Variants in ARL6 observed in about 807,000 individuals in gnomAD.
The protein encoded by ARL6 is ADP-ribosylation factor-like protein 6.
A neutral mutation model predicts 27.1 loss-of-function variants in ARL6; 18 were observed. That is an observed-to-expected ratio of 0.66 (90% CI 0.46 to 0.98). ARL6 has a LOEUF of 0.98. Ranked by LOEUF, ARL6 falls within the 50% of genes least tolerant of loss-of-function variation. The pLI is 0.00. For missense variants in ARL6, 187 were observed against 214.9 expected (o/e 0.87, Z 0.81); for synonymous variants, 65 against 72.3 (o/e 0.90, Z 0.51).
At chr3:97,765,212 GTGTGT>G (rs2036318627) in intron 1 of ARL6, among the ~76,000 whole-genome samples, 1 of 8,580 alleles carries the variant, frequency 1.2e-4, no homozygotes, top group African/African-American at 2.1e-4. Flanking sequence ...TGTATTGGGG[GTGTGT>G]GTGTGTGTGT....
chr3:97,796,054 A>AG (rs2037984575), intron 7 of ARL6, among the ~76,000 whole-genome samples: 1 of 152,186 alleles, frequency 6.6e-6, no homozygotes, highest in African/African-American at 2.4e-5. Context: ...ACGTACTAAA[A>AG]GGAAGACCAT....
chr3:97,792,489 AAAG>A (rs1328732893), intron 7 of ARL6, among the ~76,000 whole-genome samples: 8 of 152,162 alleles, frequency 5.3e-5, no homozygotes, highest in Non-Finnish European at 7.4e-5. Context: ...CTCAAGAAAA[AAAG>A]AAGAAGAATC....
At chr3:97,776,088 T>C (rs1315126890) in intron 2 of ARL6, among the ~76,000 whole-genome samples, 1 of 152,212 alleles carries the variant, frequency 6.6e-6, no homozygotes, top group East Asian at 1.9e-4. Context: ...TTAGCTCTAT[T>C]AATGTTTGGT....
intron 4 of ARL6, among the ~76,000 whole-genome samples, chr3:97,783,866 T>C (rs974269436): frequency 4.6e-5 from 7 of 151,798 alleles, no homozygotes; most frequent in Admixed American, 3.9e-4. Flanking sequence ...GCTGTTAGAA[T>C]GGCAATTATT....
At position 97,798,138 on chromosome 3, in the gene ARL6, A is replaced by C. The variant is rs571927243; in HGVS notation, c.*89A>C. ...TACATTTTGTAAAAGATGTTTATGC[A>C]TCAAAAAATATAATTTTCTGCTTGC... is the stretch of plus-strand genomic sequence containing the variant. On this transcript the variant is annotated 3_prime_UTR_variant, in exon 8 of 8. Transcript: ENST00000463745. The C allele has an allele frequency of 2.3e-6, 3 of 1,313,428 alleles. No homozygotes were observed. The highest frequency in any genetic ancestry group is 4.6e-5 in the East Asian group (2 of 43,310). 81.4% of individuals were successfully genotyped at this position (1,313,428 alleles called of 1,614,324 possible).
At chr3:97,785,712 G>A (rs2037426452) in intron 5 of ARL6, among the ~76,000 whole-genome samples, 1 of 152,040 alleles carries the variant, frequency 6.6e-6, no homozygotes, top group Admixed American at 6.6e-5. Context: ...ATGTACCACA[G>A]TTTATTTAAT....
At chr3:97,791,497 A>G (rs540922102) in intron 6 of ARL6, 11 of 419,296 alleles carry the variant, frequency 2.6e-5, no homozygotes, top group Non-Finnish European at 4.7e-5. Context: ...CACTGGAAAA[A>G]TAAAAGTATT....
intron 7 of ARL6, among the ~76,000 whole-genome samples, chr3:97,796,549 G>A (rs1346745883): frequency 6.6e-6 from 1 of 152,064 alleles, no homozygotes; most frequent in African/African-American, 2.4e-5. Context: ...GTAGAGGATA[G>A]CAAATCCTCG....
chr3:97,776,371 A>AC (rs1559676117), intron 2 of ARL6, among the ~76,000 whole-genome samples: 1 of 150,722 alleles, frequency 6.6e-6, no homozygotes, highest in African/African-American at 2.4e-5. Flanking sequence ...GTTGGGTCTT[A>AC]TTTTTTTTTA....
intron 7 of ARL6, among the ~76,000 whole-genome samples, chr3:97,796,454 A>C (rs1293574419): frequency 6.6e-6 from 1 of 152,122 alleles, no homozygotes; most frequent in Non-Finnish European, 1.5e-5. Context: ...CAAAGAATAG[A>C]AAATTTGAAA....
At chr3:97,774,792 T>C (rs1009681921) in intron 2 of ARL6, among the ~76,000 whole-genome samples, 5 of 152,312 alleles carry the variant, frequency 3.3e-5, no homozygotes, top group Admixed American at 1.3e-4. Context: ...AGACTCTCAC[T>C]CAGGGCAGTC....
intron 4 of ARL6, among the ~76,000 whole-genome samples, chr3:97,781,600 G>T (rs2037204354): frequency 6.6e-6 from 1 of 152,034 alleles, no homozygotes; most frequent in Non-Finnish European, 1.5e-5. Context: ...TGCAGATTTT[G>T]GTATTTGAAG....
chr3:97,775,621 A>G (rs528269541), intron 2 of ARL6, among the ~76,000 whole-genome samples: 1 of 152,300 alleles, frequency 6.6e-6, no homozygotes, highest in East Asian at 1.9e-4. Context: ...GCATCCTTCA[A>G]TCCAATCAAA....
chr3:97,786,710 T>C (rs1365135042), intron 5 of ARL6, among the ~76,000 whole-genome samples: 1 of 152,198 alleles, frequency 6.6e-6, no homozygotes, highest in Non-Finnish European at 1.5e-5. Context: ...GCAACTCATA[T>C]CATAGCTACA....
At chr3:97,791,962 T>C in intron 7 of ARL6, 136 bp downstream of exon 7, 2 of 737,942 alleles carry the variant, frequency 2.7e-6, no homozygotes, top group East Asian at 2.7e-5. Flanking sequence ...GAAAAAACAA[T>C]ACAGTAAGTA....
chr3:97,790,504 G>A (rs919851376), intron 6 of ARL6, among the ~76,000 whole-genome samples: 5 of 152,024 alleles, frequency 3.3e-5, no homozygotes, highest in Non-Finnish European at 7.4e-5. Context: ...GATAGAATTC[G>A]AACATTTGTT....
At chr3:97,782,069 T>C (rs1394150045) in intron 4 of ARL6, among the ~76,000 whole-genome samples, 1 of 151,928 alleles carries the variant, frequency 6.6e-6, no homozygotes, top group Non-Finnish European at 1.5e-5. Flanking sequence ...AAGAGAGTGC[T>C]TCAGATTCGA....
At chr3:97,768,295 A>G (rs1227847024) in intron 2 of ARL6, 65 bp downstream of exon 2, 19 of 1,545,918 alleles carry the variant, frequency 1.2e-5, no homozygotes, top group Non-Finnish European at 1.6e-5. Context: ...GTGCAGAATT[A>G]TGTTATATGA....
chr3:97,768,028 T>C, intron 1 of ARL6, 53 bp from the exon 2 acceptor site: 1 of 1,521,404 alleles, frequency 6.6e-7, no homozygotes, highest in East Asian at 2.3e-5. Context: ...CTACCAATAT[T>C]TTCCATAACT....
Sources: allele counts gnomAD v4.1 joint callset (sites outside exome capture counted in the v4.1 genomes callset), GRCh38; gene constraint gnomAD v4.1.1; transcripts MANE v1.5; gene names NCBI Gene and HGNC (gene_info 2026-07-23, HGNC 2026-07-21).